The following TRPM6 variants were observed in gnomAD, a reference collection of about 807,000 sequenced individuals.
TRPM6 encodes channel kinase 2.
Under a neutral mutation model 247.6 loss-of-function variants are expected in TRPM6, and 111 were observed. The ratio of observed to expected loss-of-function variants is 0.45; its 90% CI spans 0.38 to 0.52. The LOEUF is 0.52. TRPM6 is among the 20% of genes least tolerant of loss of function. The pLI is 0.00. For missense variants in TRPM6, 2,126 were observed against 2,421.5 expected (o/e 0.88, Z 2.56); for synonymous variants, 892 against 853.8 (o/e 1.04, Z -0.78).
chr9:74,739,988 T>C lies in TRPM6; in HGVS notation c.5222A>G (p.Tyr1741Cys). 6.2e-7 allele frequency: 1 copy of C among 1,614,078 alleles called. No homozygotes were observed. Among genetic ancestry groups the C allele is most frequent in the Non-Finnish European group, 8.5e-7 (1 of 1,180,010 alleles). ...TAAAGGGGAACTCTCCTCCAACCTGTAGACAGTTATTTCTTCTCCTGCTGC... is the reference window on the plus strand; with the variant it reads ...TAAAGGGGAACTCTCCTCCAACCTGCAGACAGTTATTTCTTCTCCTGCTGC... ...QLFAGEEITVYRLEESSPLNL... is the reference protein window; with the variant it reads ...QLFAGEEITVCRLEESSPLNL... The change falls in exon 34 of 39, where the codon TAC (tyrosine) becomes TGC (cysteine). Residue 1741 changes from tyrosine to cysteine, a missense_variant. By Grantham distance (194) the Tyr-to-Cys change is radical. Around this residue, in one of 3 missense-constraint regions of TRPM6, gnomAD observed 327 missense variants for 397.7 expected, o/e 0.82. Transcript: ENST00000360774.
chr9:74,789,425 C>T (rs893217252), intron 19 of TRPM6, among the ~76,000 whole-genome samples: 1 of 152,136 alleles, frequency 6.6e-6, no homozygotes, highest in Admixed American at 6.5e-5. Flanking sequence ...AGTGATCACA[C>T]ATATAGATAC....
intron 12 of TRPM6, among the ~76,000 whole-genome samples, chr9:74,812,019 T>A (rs1828745823): frequency 6.6e-6 from 1 of 152,208 alleles, no homozygotes; most frequent in East Asian, 1.9e-4. Context: ...ATGTAGGTCA[T>A]GATAAATGAT....
At chr9:74,862,031 G>A (rs899887453) in intron 1 of TRPM6, among the ~76,000 whole-genome samples, 1 of 142,068 alleles carries the variant, frequency 7.0e-6, no homozygotes, top group Non-Finnish European at 1.5e-5. Flanking sequence ...CAGGAAGCCC[G>A]TGTCATAACA....
rs747890359 is a variant in TRPM6 at position 74,771,839 on chromosome 9, T to C, written c.3404-4A>G. ...TCCTCCTTACTGAGGTAGAGTTCTA[T>C]AGAAATAAGTATGAAACACAGAAAG... On this transcript the variant is annotated splice_polypyrimidine_tract_variant and splice_region_variant and intron_variant, in intron 24 of 38. Transcript: ENST00000360774. 4 of 1,613,440 alleles carry C rather than the reference T, an allele frequency of 2.5e-6. No individual in the cohort carries two copies. The Admixed American group carries it at 5.0e-5, about 20-fold the overall frequency.
At chr9:74,725,168 G>C (rs1169171496) in intron 38 of TRPM6, among the ~76,000 whole-genome samples, 2 of 152,040 alleles carry the variant, frequency 1.3e-5, no homozygotes. Context: ...CTCAGGTTTG[G>C]TACAGCCAAT....
intron 1 of TRPM6, among the ~76,000 whole-genome samples, chr9:74,872,723 G>A (rs1381232660): frequency 1.3e-5 from 2 of 151,584 alleles, no homozygotes; most frequent in African/African-American, 2.4e-5. Context: ...GCCAGCCTCA[G>A]CCTCTCAAAG....
intron 1 of TRPM6, among the ~76,000 whole-genome samples, chr9:74,867,892 G>A (rs1242940017): frequency 6.6e-6 from 1 of 152,138 alleles, no homozygotes; most frequent in Non-Finnish European, 1.5e-5. Context: ...AGTGGCTCAC[G>A]CCTGTAATCC....
chr9:74,791,482 T>C (rs905307489), intron 19 of TRPM6, among the ~76,000 whole-genome samples: 6 of 152,152 alleles, frequency 3.9e-5, no homozygotes, highest in African/African-American at 1.4e-4. Flanking sequence ...TCCTGAGGGC[T>C]GTGTTACGGA....
chr9:74,822,551 A>G (rs1414643385), intron 7 of TRPM6, among the ~76,000 whole-genome samples: 1 of 152,086 alleles, frequency 6.6e-6, no homozygotes, highest in East Asian at 1.9e-4. Flanking sequence ...CACCACACCT[A>G]GACTCTATAA....
At chr9:74,790,338 T>C (rs923412417) in intron 19 of TRPM6, among the ~76,000 whole-genome samples, 1 of 152,206 alleles carries the variant, frequency 6.6e-6, no homozygotes, top group Non-Finnish European at 1.5e-5. Flanking sequence ...TCTGAGTTTT[T>C]TTGATGACTC....
intron 1 of TRPM6, among the ~76,000 whole-genome samples, chr9:74,882,593 A>T (rs985859211): frequency 6.6e-6 from 1 of 152,172 alleles, no homozygotes; most frequent in Non-Finnish European, 1.5e-5. Context: ...TGGTTATCAT[A>T]AAGAAGACAA....
intron 1 of TRPM6, among the ~76,000 whole-genome samples, chr9:74,882,346 C>A (rs1311729201): frequency 6.6e-6 from 1 of 152,052 alleles, no homozygotes; most frequent in Non-Finnish European, 1.5e-5. Context: ...AAAATATCTG[C>A]AAACTATTTA....
chr9:74,817,646 A>T (rs1219459745), intron 9 of TRPM6, among the ~76,000 whole-genome samples: 1 of 151,986 alleles, frequency 6.6e-6, no homozygotes, highest in Non-Finnish European at 1.5e-5. Flanking sequence ...CCAAAGGGTC[A>T]CCTATGGGCC....
At chr9:74,790,475 G>T (rs919862281) in intron 19 of TRPM6, among the ~76,000 whole-genome samples, 6 of 152,062 alleles carry the variant, frequency 3.9e-5, no homozygotes, top group Non-Finnish European at 8.8e-5. Context: ...TAGCCCATTT[G>T]TCTGTATATA....
chr9:74,880,353 T>C (rs1339625576), intron 1 of TRPM6, among the ~76,000 whole-genome samples: 1 of 152,074 alleles, frequency 6.6e-6, no homozygotes, highest in Non-Finnish European at 1.5e-5. Context: ...AGCTCAGAGA[T>C]TGCCAGAAAG....
In TRPM6 at chr9:74,800,202, A is replaced by C; in HGVS notation, c.2238+52T>G. 6.5e-6 allele frequency: 10 copies of C among 1,537,478 alleles called. 1 individual carries two copies. In the South Asian group the frequency reaches 1.1e-4, roughly 17 times the overall value. ...GAACAAAATGTAACTCGAGTACAGAATTTTATACAAGACTAACATTAAACT... is the reference window on the plus strand; with the variant it reads ...GAACAAAATGTAACTCGAGTACAGACTTTTATACAAGACTAACATTAAACT... On this transcript the variant is annotated intron_variant, in intron 17 of 38. Transcript: ENST00000360774.
chr9:74,863,046 T>C (rs1429749537), intron 1 of TRPM6, among the ~76,000 whole-genome samples: 1 of 151,842 alleles, frequency 6.6e-6, no homozygotes, highest in African/African-American at 2.4e-5. Flanking sequence ...GTTTTTTGTT[T>C]GGTTTTGTTT....
At chr9:74,822,131 G>A (rs995569158) in intron 7 of TRPM6, among the ~76,000 whole-genome samples, 4 of 152,084 alleles carry the variant, frequency 2.6e-5, no homozygotes, top group Non-Finnish European at 5.9e-5. Context: ...ATTCCATTAC[G>A]GGAAACTCCC....
intron 23 of TRPM6, among the ~76,000 whole-genome samples, chr9:74,779,919 A>G (rs915470901): frequency 6.6e-6 from 1 of 152,196 alleles, no homozygotes; most frequent in African/African-American, 2.4e-5. Context: ...CACACCTGTA[A>G]TCCCAGCACT....
Sources: allele counts gnomAD v4.1 joint callset (sites outside exome capture counted in the v4.1 genomes callset), GRCh38; gene constraint gnomAD v4.1.1; regional missense constraint gnomAD v4.1.1; transcripts MANE v1.5; gene names NCBI Gene and HGNC (gene_info 2026-07-23, HGNC 2026-07-21).